DPYD: variants seen among roughly 807,000 people sequenced by gnomAD.
The protein encoded by DPYD is dihydropyrimidine dehydrogenase [NADP(+)].
In DPYD, 109 loss-of-function variants were observed where a neutral mutation model predicts 116.2. The observed-to-expected ratio is 0.94, with a 90% confidence interval of 0.80 to 1.10. DPYD has a LOEUF of 1.10. DPYD is among the 50% of genes least tolerant of loss of function. The pLI is 0.00. For missense variants in DPYD, 1,302 were observed against 1,254.5 expected, an observed-to-expected ratio of 1.04 and a Z score of -0.57; for synonymous variants, 440 against 432.0, an observed-to-expected ratio of 1.02 and a Z score of -0.23.
intron 14 of DPYD, among the ~76,000 whole-genome samples, chr1:97,393,692 A>C (rs1672845366): frequency 6.6e-6 from 1 of 152,042 alleles, no homozygotes; most frequent in Non-Finnish European, 1.5e-5. Flanking sequence ...CCAGTCTATC[A>C]TTGATGGACA....
At chr1:97,546,467 A>C in intron 12 of DPYD, 1 of 1,604,028 alleles carries the variant, frequency 6.2e-7, no homozygotes, top group Non-Finnish European at 8.5e-7. Flanking sequence ...AGTGACAGAG[A>C]CTCTGATAGA....
intron 14 of DPYD, among the ~76,000 whole-genome samples, chr1:97,410,312 C>T (rs1673910756): frequency 6.6e-6 from 1 of 152,076 alleles, no homozygotes; most frequent in African/African-American, 2.4e-5. Context: ...TAGACACTAA[C>T]ATATCATTTG....
intron 16 of DPYD, among the ~76,000 whole-genome samples, chr1:97,315,607 C>T (rs958818970): frequency 9.9e-5 from 15 of 152,036 alleles, no homozygotes; most frequent in East Asian, 7.8e-4. Context: ...AAGAGGATTA[C>T]GCTATATTCT....
intron 3 of DPYD, among the ~76,000 whole-genome samples, chr1:97,753,144 C>T (rs949359877): frequency 6.6e-6 from 1 of 152,080 alleles, no homozygotes; most frequent in East Asian, 1.9e-4. Context: ...TTCATAATCA[C>T]TCAATGAGGT....
At chr1:97,868,925 T>C (rs1671528451) in intron 2 of DPYD, among the ~76,000 whole-genome samples, 1 of 151,832 alleles carries the variant, frequency 6.6e-6, no homozygotes, top group Non-Finnish European at 1.5e-5. Flanking sequence ...AAAAAGAGTC[T>C]ATCCAAGAGT....
In DPYD at chr1:97,880,747, A is replaced by C. The variant is rs117754925; in HGVS notation, c.150+2517T>G. Among the ~76,000 whole-genome samples the C allele has an allele frequency of 2.5e-4, 38 of 151,894 alleles. No homozygotes were observed. In the East Asian group the frequency reaches 7.2e-3, roughly 29 times the overall value. On this transcript the variant is annotated intron_variant, in intron 2 of 22. Coordinates refer to ENST00000370192, the MANE Select transcript of DPYD (RefSeq NM_000110.4). Reference sequence around the variant, plus strand: ...ATTTCATTTTTTTGTTCTTTTGTGCATATATATATAAAGGTATGGTTATGT... The same window carrying C: ...ATTTCATTTTTTTGTTCTTTTGTGCCTATATATATAAAGGTATGGTTATGT...
Position 97,609,242 on chromosome 1 carries a change from C to G in DPYD, c.851-14076G>C, listed in dbSNP as rs2100743409. Among the ~76,000 whole-genome samples the G allele has an allele frequency of 2.0e-5, 3 of 152,000 alleles. 1 individual carries two copies. The highest frequency in any genetic ancestry group is 3.4e-3 in the Middle Eastern group (1 of 292). ...AATGCTAAGCCATGTGATTCATCCT[C>G]TAAGACCAGGCTGTATAAAGGGCCA... On this transcript the variant is annotated intron_variant, in intron 8 of 22. Transcript: ENST00000370192.
chr1:97,836,539 C>T (rs1355356126), intron 2 of DPYD, among the ~76,000 whole-genome samples: 1 of 151,992 alleles, frequency 6.6e-6, no homozygotes, highest in Non-Finnish European at 1.5e-5. Flanking sequence ...ACAGTCTTTT[C>T]TCTAGAACAT....
chr1:97,676,896 T>A (rs1028003434), intron 8 of DPYD, among the ~76,000 whole-genome samples: 3 of 152,164 alleles, frequency 2.0e-5, no homozygotes, highest in African/African-American at 7.2e-5. Flanking sequence ...ATTCCTCACA[T>A]CACTACACCA....
chr1:97,901,654 T>A (rs1673374187), intron 1 of DPYD, among the ~76,000 whole-genome samples: 1 of 151,774 alleles, frequency 6.6e-6, no homozygotes, highest in Admixed American at 6.6e-5. Flanking sequence ...GAAAAAAATA[T>A]TTAGTACTGT....
At chr1:97,477,285 C>T (rs987867164) in intron 13 of DPYD, among the ~76,000 whole-genome samples, 7 of 152,178 alleles carry the variant, frequency 4.6e-5, no homozygotes, top group Admixed American at 1.3e-4. Context: ...ACTTTCTTTG[C>T]TCATCCATAA....
chr1:97,717,058 C>T lies in DPYD; in HGVS notation c.483+4452G>A, dbSNP rs75441378. 2.0e-4 allele frequency among the ~76,000 whole-genome samples: 30 copies of T among 152,072 alleles called. No individual in the cohort carries two copies. The East Asian group carries it at 5.8e-3, about 29-fold the overall frequency. On this transcript the variant is annotated intron_variant, in intron 5 of 22. Coordinates refer to ENST00000370192, the MANE Select transcript of DPYD (RefSeq NM_000110.4). ...AACTTGAGATATCCAACACTTCAAG[C>T]ATTTGTCATTTATTTGTGTTAATGA...
chr1:97,215,999 T>C (rs541404549), intron 19 of DPYD, among the ~76,000 whole-genome samples: 3 of 152,208 alleles, frequency 2.0e-5, no homozygotes, highest in Non-Finnish European at 4.4e-5. Flanking sequence ...ACACTATTGA[T>C]CTACAATTGA....
intron 2 of DPYD, among the ~76,000 whole-genome samples, chr1:97,836,645 A>G (rs545200517): frequency 1.3e-4 from 20 of 151,550 alleles, no homozygotes; most frequent in Admixed American, 5.9e-4. Context: ...CTCTGATTGG[A>G]AAAAAAAACC....
chr1:97,860,427 C>G (rs1270337585), intron 2 of DPYD, among the ~76,000 whole-genome samples: 1 of 152,078 alleles, frequency 6.6e-6, no homozygotes, highest in Non-Finnish European at 1.5e-5. Flanking sequence ...AATTAGCTTA[C>G]TGTGGGACAT....
chr1:97,532,403 G>A (rs1437272450), intron 12 of DPYD, among the ~76,000 whole-genome samples: 1 of 152,118 alleles, frequency 6.6e-6, no homozygotes, highest in Admixed American at 6.6e-5. Context: ...CATAAAATGA[G>A]TATGGAAGTA....
intron 19 of DPYD, among the ~76,000 whole-genome samples, chr1:97,196,339 C>T (rs1379720088): frequency 1.3e-5 from 2 of 151,982 alleles, no homozygotes; most frequent in African/African-American, 2.4e-5. Context: ...ATTGCTCAAA[C>T]TCCTGAGCTC....
At chr1:97,799,662 C>A (rs1667753931) in intron 3 of DPYD, among the ~76,000 whole-genome samples, 1 of 151,888 alleles carries the variant, frequency 6.6e-6, no homozygotes. Context: ...ATACTTTAAT[C>A]CATTTTCTTA....
At chr1:97,291,693 G>A (rs1017549776) in intron 18 of DPYD, among the ~76,000 whole-genome samples, 9 of 151,864 alleles carry the variant, frequency 5.9e-5, no homozygotes, top group East Asian at 3.9e-4. Flanking sequence ...GTTGTGGGGT[G>A]GGGGGAGTGG....
Sources: allele counts gnomAD v4.1 joint callset (sites outside exome capture counted in the v4.1 genomes callset), GRCh38; gene constraint gnomAD v4.1.1; transcripts MANE v1.5; gene names NCBI Gene and HGNC (gene_info 2026-07-23, HGNC 2026-07-21).